Variants in NCOR2 observed in about 807,000 individuals in gnomAD.
The protein encoded by NCOR2 is CTG repeat protein 26.
Under a neutral mutation model 262.9 loss-of-function variants are expected in NCOR2, and 81 were observed. The observed-to-expected ratio is 0.31, with a 90% CI of 0.26 to 0.37. The LOEUF (loss-of-function observed/expected upper bound fraction) is 0.37, where lower values mean the gene tolerates loss of function less well. Ranked by LOEUF, NCOR2 falls within the 10% of genes least tolerant of loss-of-function variation. The pLI, the probability that NCOR2 is intolerant of heterozygous loss-of-function variation, is 1.00. For missense variants in NCOR2, 3,385 were observed against 3,621.4 expected (o/e 0.93, Z 1.68); for synonymous variants, 1,659 against 1,559.3 (o/e 1.06, Z -1.51).
intron 40 of NCOR2, 134 bp downstream of exon 42, chr12:124,335,000 TC>T (rs969167890): frequency 1.5e-6 from 2 of 1,339,946 alleles, no homozygotes; most frequent in Non-Finnish European, 1.1e-6. Context: ...ACGCCCTGGA[TC>T]CCCCCAGCGC....
In NCOR2 at chr12:124,332,400, T is replaced by C. The variant is rs370183566; in HGVS notation, c.6823A>G (p.Ser2275Gly). The change falls in exon 43 of 47, where the codon AGC becomes GGC. Residue 2275 changes from serine to glycine, a missense_variant. By Grantham distance (56) the Ser-to-Gly change is moderately conservative. This residue lies in a region of NCOR2 where 1,017 missense variants were observed against 967.2 expected (regional missense o/e 1.05). Coordinates refer to ENST00000405201, the Ensembl canonical transcript of NCOR2. ...TTGGACTTGACCATGGCGGAGTTGC[T>C]CTCGGTCAGCTTGCTGAAGAAGGCT... 9.9e-6 allele frequency: 16 copies of C among 1,614,090 alleles called. No homozygotes were observed. In the African/African-American group the frequency reaches 2.0e-4, roughly 20 times the overall value.
intron 33 of NCOR2, among the ~76,000 whole-genome samples, chr12:124,342,419 G>T (rs1366728504): frequency 6.6e-6 from 1 of 151,992 alleles, no homozygotes. Context: ...GCCCAGGCTG[G>T]AGTGCAGTGG....
At chr12:124,565,197 C>T (rs940578414) in intron 1 of NCOR2, among the ~76,000 whole-genome samples, 2 of 152,136 alleles carry the variant, frequency 1.3e-5, no homozygotes, top group African/African-American at 4.8e-5. Context: ...TGATCCCCAG[C>T]AGCGTAAATA....
At chr12:124,394,120 A>C (rs1231187141) in intron 16 of NCOR2, among the ~76,000 whole-genome samples, 1 of 152,214 alleles carries the variant, frequency 6.6e-6, no homozygotes, top group Admixed American at 6.5e-5. Context: ...CACAGCTGGG[A>C]CCCAAACCTA....
chr12:124,432,318 A>C lies in NCOR2; in HGVS notation c.883-1531T>G, dbSNP rs1369187823. ...GGGGGCCCCTGAAGAAAACCCACAG[A>C]CTTCCCCTGAGGACACGGTCACCTC... On this transcript the variant is annotated intron_variant, in intron 8 of 46. Transcript: ENST00000405201. The surrounding 1 kb of genome is among the most constrained non-coding windows in gnomAD (Gnocchi z 5.1). Among the ~76,000 whole-genome samples the C allele has an allele frequency of 2.0e-5, 3 of 152,116 alleles. No homozygotes were observed. The highest frequency in any genetic ancestry group is 7.2e-5 in the African/African-American group (3 of 41,398).
At chr12:124,413,104 A>C (rs551231751) in intron 13 of NCOR2, among the ~76,000 whole-genome samples, 6 of 152,206 alleles carry the variant, frequency 3.9e-5, no homozygotes, top group African/African-American at 1.4e-4. Flanking sequence ...CACAGCCTCC[A>C]TTTCAATCCC....
intron 3 of NCOR2, among the ~76,000 whole-genome samples, chr12:124,475,292 C>T (rs187493969): frequency 6.6e-6 from 1 of 152,300 alleles, no homozygotes; most frequent in East Asian, 1.9e-4. Context: ...GAAATCACAC[C>T]TGGGGCCGCT....
intron 20 of NCOR2, among the ~76,000 whole-genome samples, chr12:124,369,593 G>T (rs993201469): frequency 6.6e-6 from 1 of 152,124 alleles, no homozygotes; most frequent in South Asian, 2.1e-4. Flanking sequence ...CAGAGGGAGG[G>T]GTGGCGGGCT....
intron 1 of NCOR2, among the ~76,000 whole-genome samples, chr12:124,564,189 T>G (rs984279251): frequency 1.2e-4 from 18 of 152,148 alleles, no homozygotes; most frequent in Non-Finnish European, 2.5e-4. Flanking sequence ...TAAAGTCAGT[T>G]CCCTGGCTCC....
At chr12:124,325,383 C>CCCG (rs1555297252) in exon 47 of NCOR2, 4 of 439,940 alleles carry the variant, frequency 9.1e-6, no homozygotes, top group South Asian at 7.6e-5. Context: ...CACCGCCCCC[C>CCCG]CCCCCGCCCT....
At chr12:124,346,935 TCTGC>T in intron 30 of NCOR2, 85 bp from the exon 33 acceptor site, 1 of 1,373,256 alleles carries the variant, frequency 7.3e-7, no homozygotes, top group Non-Finnish European at 9.4e-7. Context: ...CTGGAGCTAG[TCTGC>T]CTGAGTTCAA....
intron 8 of NCOR2, among the ~76,000 whole-genome samples, chr12:124,435,638 C>A (rs983577321): frequency 6.6e-6 from 1 of 152,192 alleles, no homozygotes; most frequent in Non-Finnish European, 1.5e-5. Context: ...CCAGCTAAGC[C>A]CCTCACCTGG....
At chr12:124,429,561 C>T (rs934469969) in intron 10 of NCOR2, 52 bp downstream of exon 12, 80 of 1,539,862 alleles carry the variant, frequency 5.2e-5, no homozygotes, top group Middle Eastern at 1.7e-4. Flanking sequence ...TGCACCCTCA[C>T]GGGGGATGCC....
exon 45 of NCOR2, chr12:124,327,422 T>C (rs779110000): frequency 1.9e-6 from 3 of 1,609,338 alleles, no homozygotes; most frequent in South Asian, 2.2e-5. Context: ...GCGAGGTGAG[T>C]GTGTGGTCAC....
intron 1 of NCOR2, among the ~76,000 whole-genome samples, chr12:124,543,971 C>T (rs1006998259): frequency 2.6e-5 from 4 of 152,378 alleles, no homozygotes; most frequent in African/African-American, 9.6e-5. Context: ...AACCGCCCCA[C>T]ATCCTCCCCC....
rs1217108684 is a variant in NCOR2 at position 124,389,489 on chromosome 12, T to G, written c.1877-3602A>C. On this transcript the variant is annotated intron_variant, in intron 16 of 46. Coordinates refer to ENST00000405201, the Ensembl canonical transcript of NCOR2. This position sits in a 1 kb window ranked among gnomAD's most constrained non-coding sequence, Gnocchi z 4.4. ...CAGCAGTGGTAAGAACAGATGAGGG[T>G]TCCAGAAAAACAGAGCTTCTCCACC... 6.7e-6 allele frequency among the ~76,000 whole-genome samples: 1 copy of G among 150,046 alleles called. No individual in the cohort carries two copies. Among genetic ancestry groups the G allele is most frequent in the African/African-American group, 2.5e-5 (1 of 40,466 alleles).
chr12:124,424,791 C>T (rs2043437925), intron 11 of NCOR2, among the ~76,000 whole-genome samples: 2 of 152,308 alleles, frequency 1.3e-5, no homozygotes, highest in South Asian at 4.1e-4. Context: ...GAGGCAGGGT[C>T]TTCCCCAAGG....
chr12:124,363,542 C>T lies in NCOR2; in HGVS notation c.2928+137G>A, dbSNP rs534425802. 2.6e-4 allele frequency: 233 copies of T among 904,442 alleles called. No homozygotes were observed. In the African/African-American group the frequency reaches 3.2e-3, roughly 12 times the overall value. The allele number at this position is 904,442 out of a possible 1,614,324, so 56.0% of individuals were successfully genotyped here. On this transcript the variant is annotated intron_variant, in intron 21 of 46. Coordinates refer to ENST00000405201, the Ensembl canonical transcript of NCOR2. Reference sequence around the variant, plus strand: ...CCCAGCTGTTCCCACCTCAGCTCCACGGGGATTTCTCCAGGAAACAGAAGC... The same window carrying T: ...CCCAGCTGTTCCCACCTCAGCTCCATGGGGATTTCTCCAGGAAACAGAAGC...
intron 13 of NCOR2, among the ~76,000 whole-genome samples, chr12:124,414,165 C>T (rs951322942): frequency 1.3e-5 from 2 of 152,192 alleles, no homozygotes; most frequent in African/African-American, 2.4e-5. Flanking sequence ...AGTGTGCTGC[C>T]GAGGGGACGG....
Sources: gnomAD v4.1 joint callset for allele counts (sites outside exome capture counted in the v4.1 genomes callset) on GRCh38, gnomAD v4.1.1 for gene constraint, gnomAD v4.1.1 regional missense constraint, Gnocchi (gnomAD v3.1) non-coding constraint, MANE v1.5 for transcripts, NCBI Gene and HGNC (gene_info 2026-07-23, HGNC 2026-07-21) for gene names.